The following PCBP3 variants were observed in gnomAD, a reference collection of about 807,000 sequenced individuals.
The protein encoded by PCBP3 is poly(rC) binding protein 3, also known as poly(rC)-binding protein 3.
A neutral mutation model predicts 52.7 loss-of-function variants in PCBP3; 25 were observed. The observed-to-expected ratio is 0.47, with a 90% confidence interval of 0.35 to 0.66. The LOEUF (loss-of-function observed/expected upper bound fraction) is 0.66, where lower values mean the gene tolerates loss of function less well. Among genes scored for constraint, PCBP3 ranks in the 30% least tolerant of loss-of-function variants. PCBP3 has a pLI of 0.01. For synonymous variants in PCBP3, 162 were observed against 183.0 expected (o/e 0.89, Z 0.93); for missense variants, 391 against 490.3 (o/e 0.80, Z 1.91).
At chr21:45,875,244 G>A (rs994201956) in intron 5 of PCBP3, among the ~76,000 whole-genome samples, 4 of 151,444 alleles carry the variant, frequency 2.6e-5, no homozygotes, top group South Asian at 4.2e-4. Context: ...GGGCCCCTCC[G>A]TGCTGCGCGC....
In PCBP3 at chr21:45,866,569, G is replaced by T. The variant is rs1423767083; in HGVS notation, c.10+16474G>T. ...CCTCCAGGGGCTCAGGAGAAATGAAGGGTCTGTGTCTCTGGGGCAGGAACC... is the reference window on the plus strand; with the variant it reads ...CCTCCAGGGGCTCAGGAGAAATGAATGGTCTGTGTCTCTGGGGCAGGAACC... On this transcript the variant is annotated intron_variant, in intron 5 of 17. Coordinates refer to ENST00000681687, the MANE Select transcript of PCBP3 (RefSeq NM_001384156.1). Among the ~76,000 whole-genome samples the T allele has an allele frequency of 2.0e-5, 3 of 152,322 alleles. No individual in the cohort carries two copies. In the East Asian group the frequency reaches 5.8e-4, roughly 29 times the overall value.
In PCBP3 at chr21:45,741,471, T is replaced by C. The variant is rs1182312067; in HGVS notation, c.-162+6042T>C. Among the ~76,000 whole-genome samples, 3 of 151,962 alleles carry C rather than the reference T, an allele frequency of 2.0e-5. No individual in the cohort carries two copies. The highest frequency in any genetic ancestry group is 4.4e-5 in the Non-Finnish European group (3 of 67,986). ...TTTATAGCAGGAAGCTAACAGCTGA[T>C]ACATAAAGTTGTAAGATCAAGAATA... On this transcript the variant is annotated intron_variant, in intron 3 of 17. Coordinates refer to ENST00000681687, the MANE Select transcript of PCBP3 (RefSeq NM_001384156.1). The surrounding 1 kb of genome is among the most constrained non-coding windows in gnomAD (Gnocchi z 4.5).
rs1002397773 is a variant in PCBP3 at position 45,830,831 on chromosome 21, T to C, written c.-125-19130T>C. 1 of 152,270 alleles carries C rather than the reference T, an allele frequency of 6.6e-6. No homozygotes were observed. Among genetic ancestry groups the C allele is most frequent in the African/African-American group, 2.4e-5 (1 of 41,458 alleles). 9.4% of individuals were successfully genotyped at this position (152,270 alleles called of 1,614,324 possible). ...TTATGATGCCGAAAATGTTTCATGA[T>C]GAGGCCTTCCCAGAAAGGCGGGGAA... On this transcript the variant is annotated intron_variant, in intron 4 of 17. Coordinates refer to ENST00000681687, the MANE Select transcript of PCBP3 (RefSeq NM_001384156.1). This position sits in a 1 kb window ranked among gnomAD's most constrained non-coding sequence, Gnocchi z 4.4.
chr21:45,754,776 C>T (rs1421806672), intron 3 of PCBP3, among the ~76,000 whole-genome samples: 2 of 152,170 alleles, frequency 1.3e-5, no homozygotes, highest in Non-Finnish European at 2.9e-5. Context: ...ATTCTACTGT[C>T]TTTGGCTTCC....
At chr21:45,678,094 C>A (rs1441703814) in intron 2 of PCBP3, among the ~76,000 whole-genome samples, 1 of 152,102 alleles carries the variant, frequency 6.6e-6, no homozygotes, top group Non-Finnish European at 1.5e-5. Flanking sequence ...GTAATCCCAG[C>A]ACTTTGGGAG....
At chr21:45,908,522 G>A (rs1328772040) in intron 9 of PCBP3, among the ~76,000 whole-genome samples, 1 of 152,220 alleles carries the variant, frequency 6.6e-6, no homozygotes, top group Non-Finnish European at 1.5e-5. Context: ...AAATCCTGTT[G>A]CCCTGAATCG....
In PCBP3 at chr21:45,737,863, A is replaced by T. The variant is rs1375864840; in HGVS notation, c.-162+2434A>T. Among the ~76,000 whole-genome samples the T allele has an allele frequency of 6.6e-6, 1 of 152,228 alleles. No homozygotes were observed. Among genetic ancestry groups the T allele is most frequent in the Non-Finnish European group, 1.5e-5 (1 of 68,040 alleles). ...CGCTGTGAGATTCTGGGGTGCCATG[A>T]TGAAGCAGAGCGGAGCTCATCTGAG... On this transcript the variant is annotated intron_variant, in intron 3 of 17. Transcript: ENST00000681687. This position sits in a 1 kb window ranked among gnomAD's most constrained non-coding sequence, Gnocchi z 4.9.
rs114428780 is a variant in PCBP3, at chr21:45,677,527, T to G, written c.-200+8575T>G. ...TTGTTCTCCAGAATATGTAAGAGAA[T>G]AGATGAAGGTAGCTACACTAAGGAA... On this transcript the variant is annotated intron_variant, in intron 2 of 17. Coordinates refer to ENST00000681687, the MANE Select transcript of PCBP3 (RefSeq NM_001384156.1). Among the ~76,000 whole-genome samples the G allele has an allele frequency of 5.9e-3, 902 of 152,354 alleles. 9 individuals are homozygous for G. The highest frequency in any genetic ancestry group is 0.021 in the African/African-American group (857 of 41,588).
chr21:45,749,377 C>T (rs1325298243), intron 3 of PCBP3: 2 of 151,958 alleles, frequency 1.3e-5, no homozygotes, highest in African/African-American at 2.4e-5. Context: ...TTTCTTTGTT[C>T]CAGCTTCAGA....
chr21:45,861,704 C>T (rs1046709955), intron 5 of PCBP3, among the ~76,000 whole-genome samples: 2 of 152,208 alleles, frequency 1.3e-5, no homozygotes, highest in African/African-American at 4.8e-5. Flanking sequence ...GAGGAATGGA[C>T]TGGATGGCGC....
intron 5 of PCBP3, among the ~76,000 whole-genome samples, chr21:45,865,624 C>T (rs547464116): frequency 1.3e-5 from 2 of 152,178 alleles, no homozygotes; most frequent in Non-Finnish European, 2.9e-5. Flanking sequence ...CCTCATTCCT[C>T]TGGGTCCTGA....
chr21:45,712,950 T>G (rs1402777997), intron 2 of PCBP3, among the ~76,000 whole-genome samples: 1 of 152,154 alleles, frequency 6.6e-6, no homozygotes, highest in Non-Finnish European at 1.5e-5. Flanking sequence ...GTCTCAAACT[T>G]CTGGGCTCAA....
At chr21:45,726,829 G>C (rs2085084348) in intron 2 of PCBP3, among the ~76,000 whole-genome samples, 4 of 152,150 alleles carry the variant, frequency 2.6e-5, no homozygotes, top group Non-Finnish European at 4.4e-5. Flanking sequence ...TATTTTCTTT[G>C]AAGTACCTGA....
intron 4 of PCBP3, among the ~76,000 whole-genome samples, chr21:45,810,490 C>A (rs1255629787): frequency 6.6e-6 from 1 of 151,950 alleles, no homozygotes; most frequent in African/African-American, 2.4e-5. Context: ...TCTCAAACTC[C>A]TGGGCTCAAG....
intron 2 of PCBP3, among the ~76,000 whole-genome samples, chr21:45,693,257 TC>T (rs1201023390): frequency 5.3e-5 from 8 of 152,170 alleles, no homozygotes; most frequent in Non-Finnish European, 8.8e-5. Context: ...CCACTTCTCT[TC>T]AACATTGTTC....
chr21:45,934,871 G>C (rs993863314), intron 15 of PCBP3, among the ~76,000 whole-genome samples: 2 of 152,212 alleles, frequency 1.3e-5, no homozygotes, highest in Non-Finnish European at 2.9e-5. Context: ...TGTGCCCTGG[G>C]TGCTGCACAG....
At chr21:45,940,348 G>T in intron 17 of PCBP3, 149 bp downstream of exon 17, 1 of 681,284 alleles carries the variant, frequency 1.5e-6, no homozygotes, top group Non-Finnish European at 2.4e-6. Flanking sequence ...AGGCTGGATG[G>T]TGGGGACAGG....
chr21:45,645,764 A>G (rs2079208754), intron 1 of PCBP3, among the ~76,000 whole-genome samples: 1 of 152,188 alleles, frequency 6.6e-6, no homozygotes. Context: ...CAATGGCAGA[A>G]TCATTTCTAT....
At chr21:45,769,681 G>C (rs527653021) in intron 4 of PCBP3, among the ~76,000 whole-genome samples, 1 of 152,354 alleles carries the variant, frequency 6.6e-6, no homozygotes, top group South Asian at 2.1e-4. Flanking sequence ...GTTCTCTCTG[G>C]GGTCCTAAAG....
Sources: allele counts gnomAD v4.1 joint callset (sites outside exome capture counted in the v4.1 genomes callset), GRCh38; gene constraint gnomAD v4.1.1; non-coding constraint Gnocchi (gnomAD v3.1); transcripts MANE v1.5; gene names NCBI Gene and HGNC (gene_info 2026-07-23, HGNC 2026-07-21).